Variants in MAX observed in about 807,000 individuals in gnomAD.
MAX encodes the protein protein max.
In MAX, 3 loss-of-function variants were observed where a neutral mutation model predicts 22.3. The ratio of observed to expected loss-of-function variants is 0.13; its 90% CI spans 0.06 to 0.35. MAX has a LOEUF of 0.35. Ranked by LOEUF, MAX falls within the 10% of genes least tolerant of loss-of-function variation. The probability of loss-of-function intolerance (pLI) is 1.00; values close to 1 mark genes in which losing one functional copy is unlikely to be tolerated. For synonymous variants in MAX, 72 were observed against 77.7 expected (o/e 0.93, Z 0.39); for missense variants, 119 against 209.4 (o/e 0.57, Z 2.66).
rs10143198 is a variant in MAX at position 65,088,753 on chromosome 14, C to T, written c.171+4955G>A. On this transcript the variant is annotated intron_variant, in intron 3 of 4. Coordinates refer to ENST00000358664, the MANE Select transcript of MAX (RefSeq NM_002382.5). This position sits in a 1 kb window ranked among gnomAD's most constrained non-coding sequence, Gnocchi z 5.2. Reference sequence around the variant, plus strand: ...AAAGGAGACATTCTCCCTGCCTTCACGGTACTTATTGTAGTGTAGTGCCAG... The same window carrying T: ...AAAGGAGACATTCTCCCTGCCTTCATGGTACTTATTGTAGTGTAGTGCCAG... 0.52 allele frequency among the ~76,000 whole-genome samples: 79,095 copies of T among 152,102 alleles called. 23,496 individuals are homozygous for T. Among genetic ancestry groups the T allele is most frequent in the African/African-American group, 0.83 (34,523 of 41,512 alleles).
At chr14:65,073,333 T>C (rs1419985939), downstream of MAX, among the ~76,000 whole-genome samples, 1 of 152,194 alleles carries the variant, frequency 6.6e-6, no homozygotes, top group Non-Finnish European at 1.5e-5. Context: ...CTGGCTCCTA[T>C]TGTCTACTCA....
rs188189629 is a variant in MAX, at chr14:65,055,160, G to T, written c.171+38548C>A. Among the ~76,000 whole-genome samples, 219 of 152,230 alleles carry T rather than the reference G, an allele frequency of 1.4e-3. 2 individuals carry two copies. In the South Asian group the frequency reaches 0.019, roughly 13 times the overall value. On this transcript the variant is annotated intron_variant, in intron 3 of 3. Transcript: ENST00000341653. ...CCTCAGTGCCTTGTTCATATTCTTT[G>T]TAGTACTTTACTCAGTTGGTGGTGT... is the stretch of plus-strand genomic sequence containing the variant.
chr14:65,049,274 T>C (rs2062556470), intron 3 of MAX, among the ~76,000 whole-genome samples: 1 of 152,254 alleles, frequency 6.6e-6, no homozygotes, highest in South Asian at 2.1e-4. Flanking sequence ...TATGTTCTTT[T>C]GGACATACCC....
chr14:65,102,206 C>T, intron 1 of MAX, 98 bp downstream of exon 1: 1 of 1,569,806 alleles, frequency 6.4e-7, no homozygotes, highest in South Asian at 1.2e-5. Flanking sequence ...AAGGAGGCGG[C>T]GGCAGCCCGG....
At chr14:65,072,365 A>G (rs535742706), downstream of MAX, among the ~76,000 whole-genome samples, 1 of 152,270 alleles carries the variant, frequency 6.6e-6, no homozygotes, top group South Asian at 2.1e-4. Flanking sequence ...CCCCTAGAGC[A>G]TTGGAGGCAT....
downstream of MAX, among the ~76,000 whole-genome samples, chr14:65,072,550 A>C (rs2062999753): frequency 6.6e-6 from 1 of 152,184 alleles, no homozygotes; most frequent in Non-Finnish European, 1.5e-5. Flanking sequence ...TGGGAGTCAA[A>C]CCTGAGTGAC....
chr14:65,053,518 G>A (rs1427117870), intron 3 of MAX, among the ~76,000 whole-genome samples: 2 of 151,832 alleles, frequency 1.3e-5, no homozygotes, highest in Non-Finnish European at 2.9e-5. Context: ...ACCCCTTGAG[G>A]CCATTGATCT....
At position 65,044,616 on chromosome 14, in the gene MAX, T is replaced by G; in HGVS notation, c.172-38332A>C. ...GGGGCATGCGAATGCAGAGTAAGAT[T>G]TAGTTTCATTGGTTTAGTGTCATTC... On this transcript the variant is annotated intron_variant, in intron 3 of 3. Coordinates refer to the MAX transcript ENST00000341653. This position sits in a 1 kb window ranked among gnomAD's most constrained non-coding sequence, Gnocchi z 5.5. 1 of 957,738 alleles carries G rather than the reference T, an allele frequency of 1.0e-6. No individual in the cohort carries two copies. Among genetic ancestry groups the G allele is most frequent in the Non-Finnish European group, 1.5e-6 (1 of 687,404 alleles). 59.3% of individuals were successfully genotyped at this position (957,738 alleles called of 1,614,324 possible).
rs375967629 is a variant in MAX, at chr14:65,030,003, C to CTG, written c.172-23721_172-23720dup. Among the ~76,000 whole-genome samples the CTG allele has an allele frequency of 3.2e-3, 492 of 152,272 alleles. 2 individuals are homozygous for CTG. The highest frequency in any genetic ancestry group is 0.011 in the African/African-American group (461 of 41,548). On this transcript the variant is annotated intron_variant, in intron 3 of 3. Coordinates refer to the MAX transcript ENST00000341653. This position sits in a 1 kb window ranked among gnomAD's most constrained non-coding sequence, Gnocchi z 4.5. ...AATTCAAATTTGAGAGCTGCGATGA[C>CTG]TGGGTGGAGGGAAAGGGGGAGAAAT...
In MAX at chr14:65,035,626, C is replaced by G. The variant is rs147569257; in HGVS notation, c.172-29342G>C. Among the ~76,000 whole-genome samples the G allele has an allele frequency of 6.8e-4, 104 of 152,106 alleles. No individual in the cohort carries two copies. The South Asian group carries it at 0.012, about 17-fold the overall frequency. On this transcript the variant is annotated intron_variant, in intron 3 of 3. Coordinates refer to the MAX transcript ENST00000341653. Reference sequence around the variant, plus strand: ...CTCGCTGCAGCCACCACCTCCTGGGCTCAAGCAATCCTCCCATCTCAACCT... The same window carrying G: ...CTCGCTGCAGCCACCACCTCCTGGGGTCAAGCAATCCTCCCATCTCAACCT...
rs2139837490 is a variant in MAX at position 65,088,936 on chromosome 14, A to T, written c.171+4772T>A. ...GGGAACTATTATATTTGGTTTCAAC[A>T]TCTACCTGTTAAGAAAACCAGATTT... On this transcript the variant is annotated intron_variant, in intron 3 of 4. Coordinates refer to ENST00000358664, the MANE Select transcript of MAX (RefSeq NM_002382.5). This position sits in a 1 kb window ranked among gnomAD's most constrained non-coding sequence, Gnocchi z 5.2. Among the ~76,000 whole-genome samples, 2 of 151,854 alleles carry T rather than the reference A, an allele frequency of 1.3e-5. No individual in the cohort carries two copies. Among genetic ancestry groups the T allele is most frequent in the South Asian group, 4.1e-4 (2 of 4,824 alleles).
At position 65,040,116 on chromosome 14, in the gene MAX, G is replaced by A. The variant is rs1406098378; in HGVS notation, c.172-33832C>T. On this transcript the variant is annotated intron_variant, in intron 3 of 3. Coordinates refer to the MAX transcript ENST00000341653. ...GAGGTGGGAGGATTGCCTGAGTCCA[G>A]GAGGTTGAGGCTGCAGTGAGCCATG... 3.9e-5 allele frequency among the ~76,000 whole-genome samples: 6 copies of A among 152,288 alleles called. No homozygotes were observed. In the South Asian group the frequency reaches 8.3e-4, roughly 21 times the overall value.
In MAX at chr14:65,060,718, C is replaced by T. The variant is rs376725286; in HGVS notation, c.171+32990G>A. Among the ~76,000 whole-genome samples, 474 of 85,978 alleles carry T rather than the reference C, an allele frequency of 5.5e-3. 42 individuals carry two copies. The highest frequency in any genetic ancestry group is 0.018 in the African/African-American group (437 of 24,264). The allele number at this position is 85,978 out of a possible 152,430, so 56.4% of individuals were successfully genotyped here. A position where few individuals can be genotyped will look rare whatever the true frequency, so the allele number is the denominator to read the frequency against. ...GTCTCAAAAAAAAAAAAAAAAAATA[C>T]AAAAATTACCCAGGCGTGGTGGCTC... On this transcript the variant is annotated intron_variant, in intron 3 of 3. Transcript: ENST00000341653.
rs140596614 is a variant in MAX at position 65,070,073 on chromosome 14, G to GGGCTGCCA, written c.171+23627_171+23634dup. Among the ~76,000 whole-genome samples, 29 of 152,288 alleles carry GGGCTGCCA rather than the reference G, an allele frequency of 1.9e-4. No individual in the cohort carries two copies. The highest frequency in any genetic ancestry group is 2.5e-4 in the Non-Finnish European group (17 of 68,022). On this transcript the variant is annotated intron_variant, in intron 3 of 3. Transcript: ENST00000341653. The surrounding 1 kb of genome is among the most constrained non-coding windows in gnomAD (Gnocchi z 4.4). ...CTGTGCATGGGAGCCATGGGCTGCCGGGCTGCCAGGCTGCCAGCCGGATTC... is the reference window on the plus strand; with the variant it reads ...CTGTGCATGGGAGCCATGGGCTGCCGGGCTGCCAGGCTGCCAGGCTGCCAGCCGGATTC...
At chr14:65,024,592 C>T (rs951580873) in intron 3 of MAX, among the ~76,000 whole-genome samples, 4 of 152,080 alleles carry the variant, frequency 2.6e-5, no homozygotes, top group African/African-American at 7.2e-5. Context: ...GAATGAAATG[C>T]CTTGCTGACG....
In MAX at chr14:65,088,308, A is replaced by T. The variant is rs1166306342; in HGVS notation, c.171+5400T>A. Among the ~76,000 whole-genome samples the T allele has an allele frequency of 6.6e-6, 1 of 152,196 alleles. No individual in the cohort carries two copies. The highest frequency in any genetic ancestry group is 1.5e-5 in the Non-Finnish European group (1 of 68,024). Reference sequence around the variant, plus strand: ...GTCCTTACCTAAATGGGCAATGAAAAGCCCTTGGAGGTTTTCAGCAGCATG... The same window carrying T: ...GTCCTTACCTAAATGGGCAATGAAATGCCCTTGGAGGTTTTCAGCAGCATG... On this transcript the variant is annotated intron_variant, in intron 3 of 4. Coordinates refer to ENST00000358664, the MANE Select transcript of MAX (RefSeq NM_002382.5). This position sits in a 1 kb window ranked among gnomAD's most constrained non-coding sequence, Gnocchi z 5.2.
chr14:65,086,735 A>C (rs2063344137), intron 3 of MAX, among the ~76,000 whole-genome samples: 8 of 152,210 alleles, frequency 5.3e-5, no homozygotes, highest in Admixed American at 5.2e-4. Context: ...TAGCCTGACA[A>C]TGTGATAGAA....
intron 3 of MAX, among the ~76,000 whole-genome samples, chr14:65,041,105 T>A (rs1272524239): frequency 6.6e-6 from 1 of 152,342 alleles, no homozygotes. Flanking sequence ...TCTGTCTTCC[T>A]GCTTAGAGCT....
chr14:65,067,549 G>A (rs1434941903), intron 3 of MAX, among the ~76,000 whole-genome samples: 2 of 151,482 alleles, frequency 1.3e-5, no homozygotes, highest in African/African-American at 2.4e-5. Flanking sequence ...GTTTTGAAAA[G>A]TATGGCCAGG....
Sources: gnomAD v4.1 joint callset for allele counts (sites outside exome capture counted in the v4.1 genomes callset) on GRCh38, gnomAD v4.1.1 for gene constraint, Gnocchi (gnomAD v3.1) non-coding constraint, MANE v1.5 for transcripts, NCBI Gene and HGNC (gene_info 2026-07-23, HGNC 2026-07-21) for gene names.